The following CYSLTR1 variants were observed in gnomAD, a reference collection of about 807,000 sequenced individuals.
CYSLTR1 encodes the protein G-protein coupled receptor HG55.
CYSLTR1 carries 1 observed loss-of-function variant against 2.1 expected under a neutral mutation model. The observed-to-expected ratio is 0.48, with a 90% CI of 0.17 to 2.28. The LOEUF is 2.28. CYSLTR1 is among the 30% of genes most tolerant of loss of function. The probability of loss-of-function intolerance (pLI) is 0.26; values close to 1 mark genes in which losing one functional copy is unlikely to be tolerated. For missense variants in CYSLTR1, 299 were observed against 250.1 expected (o/e 1.20, Z -1.32); for synonymous variants, 110 against 89.6 (o/e 1.23, Z -1.28).
Position 78,273,311 on chromosome X carries a change from C to T in CYSLTR1, c.436G>A (p.Gly146Ser). Residue 146 changes from glycine (G) to serine (S), a missense_variant, in exon 3 of 3, where the codon GGT becomes AGT. By Grantham distance (56) the Gly-to-Ser change is moderately conservative. Transcript: ENST00000373304. ...TQKKARFVCV[G>S]IWIFVILTSS... ...GTCAAAATCACAAAAATCCAAATACCTACACACACAAACCTGGCTTTTTTC... is the reference window on the plus strand; with the variant it reads ...GTCAAAATCACAAAAATCCAAATACTTACACACACAAACCTGGCTTTTTTC... 1 of 1,210,881 alleles carries T rather than the reference C, an allele frequency of 8.3e-7. No homozygotes were observed. Among genetic ancestry groups the T allele is most frequent in the Non-Finnish European group, 1.1e-6 (1 of 895,095 alleles).
intron 1 of CYSLTR1, among the ~76,000 whole-genome samples, chrX:78,292,798 GTT>G (rs781461267): frequency 8.7e-5 from 8 of 91,580 alleles, no homozygotes; most frequent in Non-Finnish European, 4.4e-5. Context: ...AACCCCTGCT[GTT>G]TTTTTTTTTT....
chrX:78,273,633 G>A lies in CYSLTR1; in HGVS notation c.114C>T (p.Phe38=). 1.7e-6 allele frequency: 2 copies of A among 1,211,863 alleles called. No individual in the cohort carries two copies. Among genetic ancestry groups the A allele is most frequent in the Non-Finnish European group, 2.2e-6 (2 of 895,514 alleles). Residue 38 remains phenylalanine, a synonymous_variant, in exon 3 of 3, where the codon TTC becomes TTT. Coordinates refer to ENST00000373304, the MANE Select transcript of CYSLTR1 (RefSeq NM_006639.4). ...TLYSMISVVG[F]FGNGFVLYVL... is the part of the protein sequence containing the mutation. The stretch of plus-strand genomic sequence containing the variant: ...CATAGAGCACAAAGCCATTGCCAAA[G>A]AAGCCTACAACAGAGATCATAGAGT...
intron 1 of CYSLTR1, among the ~76,000 whole-genome samples, chrX:78,299,142 G>A (rs748831914): frequency 2.8e-3 from 316 of 111,346 alleles, no homozygotes; most frequent in African/African-American, 9.0e-3. Context: ...ACAAACAAAC[G>A]AAAAAGCAAG....
intron 1 of CYSLTR1, 101 bp from the exon 2 acceptor site, chrX:78,283,641 G>A (rs1921932146): frequency 8.9e-6 from 1 of 111,832 alleles, no homozygotes; most frequent in Admixed American, 9.5e-5. Flanking sequence ...AGTGTGTAAT[G>A]GGGCATCAAA....
rs1389590715 is a variant in CYSLTR1, at chrX:78,305,515, G to GA, written c.-115+21789dup. 4.1e-4 allele frequency among the ~76,000 whole-genome samples: 18 copies of GA among 43,762 alleles called. No homozygotes were observed. The South Asian group carries it at 0.013, about 31-fold the overall frequency. The allele number at this position is 43,762 out of a possible 115,157, so 38.0% of individuals were successfully genotyped here. A position where few individuals can be genotyped will look rare whatever the true frequency, so the allele number is the denominator to read the frequency against. Reference sequence around the variant, plus strand: ...TACCTTCCAAGATATTACTTATAAGGAAAAAAATTTATTTTTTTTCTAGAT... The same window carrying GA: ...TACCTTCCAAGATATTACTTATAAGGAAAAAAAATTTATTTTTTTTCTAGAT... On this transcript the variant is annotated intron_variant, in intron 1 of 2. Transcript: ENST00000373304.
intron 1 of CYSLTR1, among the ~76,000 whole-genome samples, chrX:78,312,437 C>G (rs781084239): frequency 1.8e-5 from 2 of 111,641 alleles, no homozygotes; most frequent in Non-Finnish European, 3.8e-5. Flanking sequence ...GGCTAAGTCC[C>G]TAAAATCAAT....
chrX:78,320,795 G>A (rs950982321), intron 1 of CYSLTR1: 2 of 111,157 alleles, frequency 1.8e-5, no homozygotes, highest in East Asian at 2.8e-4. Context: ...ATTGAGCAGC[G>A]GTTTGTAGTT....
chrX:78,301,677 TTC>T (rs1922826307), intron 1 of CYSLTR1, among the ~76,000 whole-genome samples: 1 of 111,967 alleles, frequency 8.9e-6, no homozygotes, highest in South Asian at 3.8e-4. Context: ...TCCTTTCTTC[TTC>T]TGAGCCCTCC....
intron 1 of CYSLTR1, among the ~76,000 whole-genome samples, chrX:78,292,712 C>T (rs1408471674): frequency 1.8e-5 from 2 of 111,204 alleles, no homozygotes; most frequent in Non-Finnish European, 1.9e-5. Context: ...GATCCCTTTA[C>T]CATTATGTAA....
chrX:78,272,828 A>G lies in CYSLTR1; in HGVS notation c.919T>C (p.Ser307Pro). The part of the protein sequence containing the change: ...FSGGNFRKRL[S>P]TFRKHSLSSV... ...GACAAAGAATGCTTTCTGAATGTAGACAGCCTTTTCCTAAAGTTACCCCCA... is the reference window on the plus strand; with the variant it reads ...GACAAAGAATGCTTTCTGAATGTAGGCAGCCTTTTCCTAAAGTTACCCCCA... The change falls in exon 3 of 3, where the codon TCT becomes CCT. Residue 307 changes from serine (S) to proline (P), a missense_variant. Physicochemically the swap from Ser to Pro is moderately conservative, Grantham distance 74 (BLOSUM62 -1). Coordinates refer to ENST00000373304, the MANE Select transcript of CYSLTR1 (RefSeq NM_006639.4). 8.3e-7 allele frequency: 1 copy of G among 1,211,286 alleles called. No homozygotes were observed. Among genetic ancestry groups the G allele is most frequent in the Non-Finnish European group, 1.1e-6 (1 of 895,320 alleles).
At chrX:78,286,063 A>C (rs922026691) in intron 1 of CYSLTR1, among the ~76,000 whole-genome samples, 6 of 112,067 alleles carry the variant, frequency 5.4e-5, no homozygotes, top group Admixed American at 3.8e-4. Context: ...TATAAGGAAG[A>C]GGATACTTTT....
At chrX:78,280,298 T>G (rs1921783191) in intron 2 of CYSLTR1, among the ~76,000 whole-genome samples, 1 of 111,724 alleles carries the variant, frequency 9.0e-6, no homozygotes, top group African/African-American at 3.3e-5. Context: ...TGTCAAGTGT[T>G]TTTTCTAAAC....
intron 1 of CYSLTR1, among the ~76,000 whole-genome samples, chrX:78,291,085 C>T (rs1368436988): frequency 8.9e-6 from 1 of 111,765 alleles, no homozygotes. Context: ...ATGATATTGG[C>T]TGTCAGTTTG....
At chrX:78,303,394 C>T (rs1251423541) in intron 1 of CYSLTR1, among the ~76,000 whole-genome samples, 2 of 86,257 alleles carry the variant, frequency 2.3e-5, no homozygotes, top group Admixed American at 1.3e-4. Context: ...TGAGAGCTCA[C>T]CTGATTTTTG....
chrX:78,310,904 G>A (rs1377379497), intron 1 of CYSLTR1, among the ~76,000 whole-genome samples: 3 of 110,516 alleles, frequency 2.7e-5, no homozygotes, highest in Non-Finnish European at 5.7e-5. Context: ...GTGGGCGTGT[G>A]TGTGTGTGTG....
intron 1 of CYSLTR1, among the ~76,000 whole-genome samples, chrX:78,304,986 G>T (rs753542427): frequency 1.8e-5 from 2 of 111,688 alleles, no homozygotes; most frequent in African/African-American, 6.5e-5. Flanking sequence ...TCTACATCTT[G>T]TTATTGGGCC....
intron 1 of CYSLTR1, among the ~76,000 whole-genome samples, chrX:78,292,995 T>C (rs776328659): frequency 2.7e-5 from 3 of 111,350 alleles, no homozygotes; most frequent in African/African-American, 6.5e-5. Context: ...TTAATATTGT[T>C]ATGTGTGAAT....
intron 1 of CYSLTR1, among the ~76,000 whole-genome samples, chrX:78,304,513 C>T (rs1481536791): frequency 9.0e-6 from 1 of 110,949 alleles, no homozygotes; most frequent in African/African-American, 3.3e-5. Flanking sequence ...ACAAAGAGTC[C>T]ACCAAGAGTT....
chrX:78,294,910 G>A (rs181575689), intron 1 of CYSLTR1, among the ~76,000 whole-genome samples: 169 of 112,705 alleles, frequency 1.5e-3, no homozygotes, highest in Non-Finnish European at 1.9e-4. Context: ...GCTAGGAATG[G>A]GAAATCCCAT....
Sources: allele counts gnomAD v4.1 joint callset (sites outside exome capture counted in the v4.1 genomes callset), GRCh38; gene constraint gnomAD v4.1.1; transcripts MANE v1.5; gene names NCBI Gene and HGNC (gene_info 2026-07-23, HGNC 2026-07-21).